KCNH1: variants seen among roughly 807,000 people sequenced by gnomAD.
KCNH1 encodes the protein potassium voltage-gated channel subfamily H member 1.
In KCNH1, 27 loss-of-function variants were observed where a neutral mutation model predicts 69.2. That is an observed-to-expected ratio of 0.39 (90% CI 0.29 to 0.54). KCNH1 has a LOEUF of 0.54. Ranked by LOEUF, KCNH1 falls within the 20% of genes least tolerant of loss-of-function variation. The probability of loss-of-function intolerance (pLI) is 0.68; values close to 1 mark genes in which losing one functional copy is unlikely to be tolerated. For synonymous variants in KCNH1, 456 were observed against 487.7 expected, an observed-to-expected ratio of 0.93 and a Z score of 0.86; for missense variants, 798 against 1,261.6, an observed-to-expected ratio of 0.63 and a Z score of 5.57.
chr1:210,718,071 C>T (rs1682306947), intron 10 of KCNH1, among the ~76,000 whole-genome samples: 1 of 151,600 alleles, frequency 6.6e-6, no homozygotes, highest in African/African-American at 2.4e-5. Context: ...TGCACTACTG[C>T]ACTCCAGCCT....
At chr1:210,828,524 G>T (rs7553542) in intron 7 of KCNH1, among the ~76,000 whole-genome samples, 5 of 151,854 alleles carry the variant, frequency 3.3e-5, no homozygotes, top group Admixed American at 2.6e-4. Flanking sequence ...CATCCCCACC[G>T]CAGCAGATTA....
At chr1:210,844,318 C>A (rs890493889) in intron 7 of KCNH1, among the ~76,000 whole-genome samples, 1 of 152,084 alleles carries the variant, frequency 6.6e-6, no homozygotes, top group African/African-American at 2.4e-5. Context: ...GTCAAGAGAT[C>A]GAGACCATCC....
At chr1:210,975,771 G>A (rs1472271595) in intron 6 of KCNH1, among the ~76,000 whole-genome samples, 1 of 152,138 alleles carries the variant, frequency 6.6e-6, no homozygotes, top group African/African-American at 2.4e-5. Flanking sequence ...AAACTAAAGA[G>A]CTTCTGCACA....
chr1:210,847,331 A>T (rs1645115728), intron 7 of KCNH1, among the ~76,000 whole-genome samples: 1 of 152,242 alleles, frequency 6.6e-6, no homozygotes, highest in Admixed American at 6.5e-5. Flanking sequence ...GAACCAATCC[A>T]AATGTCCAAC....
At chr1:211,031,438 A>C (rs1396595323) in intron 5 of KCNH1, among the ~76,000 whole-genome samples, 1 of 152,132 alleles carries the variant, frequency 6.6e-6, no homozygotes, top group African/African-American at 2.4e-5. Context: ...GAGACACAAC[A>C]AAAAAAGAGA....
intron 7 of KCNH1, among the ~76,000 whole-genome samples, chr1:210,881,542 C>G (rs979206214): frequency 6.6e-6 from 1 of 152,142 alleles, no homozygotes; most frequent in African/African-American, 2.4e-5. Flanking sequence ...ACTACTTACT[C>G]AAATGTATTG....
chr1:210,813,590 CTT>C (rs1205495073), intron 7 of KCNH1, among the ~76,000 whole-genome samples: 4 of 152,090 alleles, frequency 2.6e-5, no homozygotes, highest in African/African-American at 9.7e-5. Context: ...GTTGTTGTTG[CTT>C]TTGTTTCTTC....
At chr1:210,876,765 C>G (rs1686384287) in intron 7 of KCNH1, among the ~76,000 whole-genome samples, 1 of 152,102 alleles carries the variant, frequency 6.6e-6, no homozygotes, top group African/African-American at 2.4e-5. Flanking sequence ...ACAAAGCGCT[C>G]AGCTCTGTAT....
At chr1:210,822,056 T>G (rs1197854901) in intron 7 of KCNH1, among the ~76,000 whole-genome samples, 2 of 152,000 alleles carry the variant, frequency 1.3e-5, no homozygotes, top group African/African-American at 2.4e-5. Context: ...GGGTGGGGAA[T>G]GGCACTAGCT....
intron 6 of KCNH1, among the ~76,000 whole-genome samples, chr1:210,948,203 T>TAA (rs879884169): frequency 6.5e-5 from 9 of 138,582 alleles, no homozygotes; most frequent in African/African-American, 2.1e-4. Context: ...CCTGTCTCTT[T>TAA]AAAAAAAAAA....
intron 6 of KCNH1, among the ~76,000 whole-genome samples, chr1:210,991,130 T>C (rs898155581): frequency 6.6e-6 from 1 of 152,154 alleles, no homozygotes; most frequent in African/African-American, 2.4e-5. Context: ...GAAATCAGTA[T>C]GTCAAAAAGA....
intron 7 of KCNH1, among the ~76,000 whole-genome samples, chr1:210,805,055 C>T (rs1268655870): frequency 6.6e-6 from 1 of 152,220 alleles, no homozygotes; most frequent in Non-Finnish European, 1.5e-5. Context: ...TTCCTATACA[C>T]CTTTTGCCCT....
chr1:210,957,363 T>C (rs1574360888), intron 6 of KCNH1, among the ~76,000 whole-genome samples: 1 of 152,168 alleles, frequency 6.6e-6, no homozygotes, highest in South Asian at 2.1e-4. Flanking sequence ...AAAAGTGCGA[T>C]GTGGTTCTGA....
At chr1:210,964,528 T>C (rs1000994755) in intron 6 of KCNH1, among the ~76,000 whole-genome samples, 6 of 152,180 alleles carry the variant, frequency 3.9e-5, no homozygotes, top group Admixed American at 1.3e-4. Flanking sequence ...CCTGGACATA[T>C]ACCCTCTCCC....
At chr1:210,847,298 C>G (rs1283750435) in intron 7 of KCNH1, among the ~76,000 whole-genome samples, 1 of 152,130 alleles carries the variant, frequency 6.6e-6, no homozygotes, top group Middle Eastern at 3.2e-3. Flanking sequence ...TATTGCGGCA[C>G]TATTCACAAT....
intron 7 of KCNH1, among the ~76,000 whole-genome samples, chr1:210,906,059 G>T (rs1687096017): frequency 6.6e-6 from 1 of 152,158 alleles, no homozygotes; most frequent in Non-Finnish European, 1.5e-5. Context: ...CTGATGGAGG[G>T]GACAAGGGGC....
At chr1:210,890,833 A>G (rs919475008) in intron 7 of KCNH1, among the ~76,000 whole-genome samples, 9 of 152,364 alleles carry the variant, frequency 5.9e-5, no homozygotes, top group African/African-American at 1.4e-4. Context: ...AATCAAAACC[A>G]CAATGAGATA....
At chr1:210,860,701 T>C (rs1685959226) in intron 7 of KCNH1, 1 of 775,594 alleles carries the variant, frequency 1.3e-6, no homozygotes, top group East Asian at 2.4e-5. Context: ...TTTTTCTTGA[T>C]TGCTGATAAA....
chr1:210,767,527 T>C (rs1683661176), intron 10 of KCNH1, among the ~76,000 whole-genome samples: 1 of 152,262 alleles, frequency 6.6e-6, no homozygotes, highest in Non-Finnish European at 1.5e-5. Flanking sequence ...GCTTCCTAAA[T>C]GTGCTCTGTA....
Sources: gnomAD v4.1 joint callset for allele counts (sites outside exome capture counted in the v4.1 genomes callset) on GRCh38, gnomAD v4.1.1 for gene constraint, MANE v1.5 for transcripts, NCBI Gene and HGNC (gene_info 2026-07-23, HGNC 2026-07-21) for gene names.